The following GPR83 variants were observed in gnomAD, a reference collection of about 807,000 sequenced individuals.
GPR83 encodes G protein-coupled receptor 83, also known as G-protein coupled receptor 72.
In GPR83, 23 loss-of-function variants were observed where a neutral mutation model predicts 28.0. That is an observed-to-expected ratio of 0.82 (90% confidence interval 0.59 to 1.16). The LOEUF is 1.16. GPR83 is among the 50% of genes most tolerant of loss of function. The pLI is 0.00. For synonymous variants in GPR83, 234 were observed against 215.4 expected (o/e 1.09, Z -0.76); for missense variants, 610 against 536.6 (o/e 1.14, Z -1.35).
chr11:94,387,812 TC>T (rs1944775811), intron 3 of GPR83, among the ~76,000 whole-genome samples: 1 of 151,610 alleles, frequency 6.6e-6, no homozygotes, highest in Non-Finnish European at 1.5e-5. Context: ...GAGGGAATCC[TC>T]CCTAACTCAT....
intron 1 of GPR83, 69 bp from the exon 2 acceptor site, chr11:94,396,593 CTG>C: frequency 1.3e-6 from 2 of 1,538,074 alleles, no homozygotes; most frequent in Non-Finnish European, 1.8e-6. Context: ...CTAGAGGTCT[CTG>C]AGGAGCATGC....
Position 94,393,547 on chromosome 11 carries a change from G to A in GPR83, c.585C>T (p.Thr195=). The A allele has an allele frequency of 6.2e-7, 1 of 1,613,584 alleles. No individual in the cohort carries two copies. The highest frequency in any genetic ancestry group is 8.5e-7 in the Non-Finnish European group (1 of 1,179,466). ...KGVIYIAVIW[T]MATFFSLPHA... ...GTGGGAGTGAAAAGAACGTAGCCAT[G>A]GTCCAGATGACAGCGATGTAGATGA... is the stretch of plus-strand genomic sequence containing the variant. Residue 195 remains threonine (T), a synonymous_variant, in exon 3 of 4, where the codon ACC becomes ACT. Coordinates refer to ENST00000243673, the MANE Select transcript of GPR83 (RefSeq NM_016540.4).
chr11:94,401,176 G>T lies in GPR83; in HGVS notation c.72C>A (p.Ala24=). ...VRATEPHEGR[A]DEQSAEAALA... ...GGGCCGCCTCCGCGCTCTGCTCGTC[G>T]GCCCGGCCCTCGTGGGGCTCGGTGG... is the stretch of plus-strand genomic sequence containing the variant. The change falls in exon 1 of 4, where the codon GCC becomes GCA. Residue 24 remains alanine (A), a synonymous_variant. Coordinates refer to ENST00000243673, the MANE Select transcript of GPR83 (RefSeq NM_016540.4). The T allele has an allele frequency of 6.2e-7, 1 of 1,613,804 alleles. No homozygotes were observed. Among genetic ancestry groups the T allele is most frequent in the Non-Finnish European group, 8.5e-7 (1 of 1,179,856 alleles).
At chr11:94,389,256 A>AGGCATG (rs1944790428) in intron 3 of GPR83, among the ~76,000 whole-genome samples, 1 of 152,224 alleles carries the variant, frequency 6.6e-6, no homozygotes, top group Admixed American at 6.5e-5. Flanking sequence ...TTCAGGACAC[A>AGGCATG]GGCATGGGCA....
chr11:94,392,921 C>A (rs80349220), intron 3 of GPR83, among the ~76,000 whole-genome samples: 1 of 151,780 alleles, frequency 6.6e-6, no homozygotes, highest in Admixed American at 6.6e-5. Context: ...TTGAGATCAC[C>A]GAGATAACAA....
At chr11:94,395,407 C>A (rs899512164) in intron 2 of GPR83, among the ~76,000 whole-genome samples, 4 of 152,162 alleles carry the variant, frequency 2.6e-5, no homozygotes, top group Admixed American at 2.6e-4. Flanking sequence ...TAATACTGGC[C>A]TTGTAGATTC....
At chr11:94,392,172 G>A (rs796243107) in intron 3 of GPR83, among the ~76,000 whole-genome samples, 2 of 152,054 alleles carry the variant, frequency 1.3e-5, no homozygotes, top group African/African-American at 4.8e-5. Context: ...TGTCCTTTGC[G>A]GGGACATGGA....
Position 94,379,632 on chromosome 11 carries a change from A to T in GPR83, c.*517T>A, listed in dbSNP as rs1944662904. On this transcript the variant is annotated 3_prime_UTR_variant, in exon 4 of 4. Transcript: ENST00000243673. ...GATATTGCTAGGCCACTGAAGACTTATGATTCATCATGGCCCAGTGACTCC... is the reference window on the plus strand; with the variant it reads ...GATATTGCTAGGCCACTGAAGACTTTTGATTCATCATGGCCCAGTGACTCC... 1 of 152,566 alleles carries T rather than the reference A, an allele frequency of 6.6e-6. No homozygotes were observed. Among genetic ancestry groups the T allele is most frequent in the Middle Eastern group, 3.4e-3 (1 of 296 alleles). 9.5% of individuals were successfully genotyped at this position (152,566 alleles called of 1,614,324 possible).
intron 1 of GPR83, among the ~76,000 whole-genome samples, chr11:94,397,635 T>C (rs1486094361): frequency 6.6e-6 from 1 of 152,252 alleles, no homozygotes; most frequent in Non-Finnish European, 1.5e-5. Context: ...ACATGGTTGT[T>C]ACATCAATCA....
rs749228835 is a variant in GPR83 at position 94,393,637 on chromosome 11, A to G, written c.514-19T>C. 34 of 1,613,086 alleles carry G rather than the reference A, an allele frequency of 2.1e-5. No individual in the cohort carries two copies. The highest frequency in any genetic ancestry group is 2.8e-5 in the Non-Finnish European group (33 of 1,179,528). ...TGATGACCTGGAAAACAAGCAAACC[A>G]CATCACTAACTGAAGACGTTTTGGA... On this transcript the variant is annotated intron_variant, in intron 2 of 3. Coordinates refer to ENST00000243673, the MANE Select transcript of GPR83 (RefSeq NM_016540.4).
At chr11:94,387,949 A>T (rs543873028) in intron 3 of GPR83, among the ~76,000 whole-genome samples, 1 of 152,350 alleles carries the variant, frequency 6.6e-6, no homozygotes, top group Admixed American at 6.5e-5. Flanking sequence ...AACCGAATCC[A>T]GCAACACATC....
chr11:94,384,864 C>A (rs1300626172), intron 3 of GPR83, among the ~76,000 whole-genome samples: 3 of 152,198 alleles, frequency 2.0e-5, no homozygotes, highest in Non-Finnish European at 2.9e-5. Context: ...GTTCTCCCAG[C>A]ATGCAGCTTG....
intron 1 of GPR83, 94 bp downstream of exon 1, chr11:94,400,767 A>G (rs1944903535): frequency 1.1e-5 from 13 of 1,135,170 alleles, no homozygotes; most frequent in Non-Finnish European, 1.7e-5. Flanking sequence ...GGGGACCCAC[A>G]GGGAGACGCA....
At chr11:94,395,941 C>T (rs1257146072) in intron 2 of GPR83, among the ~76,000 whole-genome samples, 3 of 152,192 alleles carry the variant, frequency 2.0e-5, no homozygotes, top group Admixed American at 1.3e-4. Flanking sequence ...CAGCAATGGC[C>T]GGGCATGGTG....
In GPR83 at chr11:94,380,131, C is replaced by A. The variant is rs1408539343; in HGVS notation, c.*18G>T. 6.7e-7 allele frequency: 1 copy of A among 1,501,948 alleles called. No individual in the cohort carries two copies. Among genetic ancestry groups the A allele is most frequent in the Non-Finnish European group, 8.9e-7 (1 of 1,125,238 alleles). 93.0% of individuals were successfully genotyped at this position (1,501,948 alleles called of 1,614,324 possible). ...CAGGTGGAGACAGACCCCTCCCACT[C>A]CCTCTTCCCAACCTCTTCTAACTCA... On this transcript the variant is annotated 3_prime_UTR_variant, in exon 4 of 4. Coordinates refer to ENST00000243673, the MANE Select transcript of GPR83 (RefSeq NM_016540.4).
intron 3 of GPR83, among the ~76,000 whole-genome samples, chr11:94,382,807 A>G (rs1257082606): frequency 1.3e-5 from 2 of 152,198 alleles, no homozygotes; most frequent in Admixed American, 6.5e-5. Context: ...AGCAAATGCA[A>G]AAGAACAGAA....
At chr11:94,397,325 T>C (rs1294822821) in intron 1 of GPR83, among the ~76,000 whole-genome samples, 1 of 152,102 alleles carries the variant, frequency 6.6e-6, no homozygotes, top group Admixed American at 6.5e-5. Flanking sequence ...CTGAGAGAGA[T>C]TGAGCATTGA....
At chr11:94,387,493 G>T (rs190928563) in intron 3 of GPR83, among the ~76,000 whole-genome samples, 1,554 of 152,254 alleles carry the variant, frequency 0.01, 27 homozygotes, top group African/African-American at 0.036. Flanking sequence ...TGATAAAGCA[G>T]ATATCACCAC....
chr11:94,393,692 T>A, intron 2 of GPR83, 74 bp from the exon 3 acceptor site: 2 of 1,385,452 alleles, frequency 1.4e-6, no homozygotes. Context: ...CAGGCGCAGG[T>A]GCTCACTCCT....
Sources: gnomAD v4.1 joint callset for allele counts (sites outside exome capture counted in the v4.1 genomes callset) on GRCh38, gnomAD v4.1.1 for gene constraint, MANE v1.5 for transcripts, NCBI Gene and HGNC (gene_info 2026-07-23, HGNC 2026-07-21) for gene names.